Variants in BTBD8 observed in about 807,000 individuals in gnomAD.
BTBD8 encodes BTB domain containing 8, also known as BTB/POZ domain-containing protein 8.
A neutral mutation model predicts 162.9 loss-of-function variants in BTBD8; 110 were observed. The observed-to-expected ratio is 0.68, with a 90% CI of 0.58 to 0.79. The LOEUF (loss-of-function observed/expected upper bound fraction) is 0.79. Among genes scored for constraint, BTBD8 ranks in the 30% least tolerant of loss-of-function variants. The pLI is 0.00. For missense variants in BTBD8, 1,905 were observed against 2,085.4 expected, an observed-to-expected ratio of 0.91 and a Z score of 1.68; for synonymous variants, 667 against 716.1, an observed-to-expected ratio of 0.93 and a Z score of 1.10.
At chr1:92,183,804 A>AAAACTCTG (rs1650994780) in intron 17 of BTBD8, 60 bp from the exon 18 acceptor site, 1 of 1,163,876 alleles carries the variant, frequency 8.6e-7, no homozygotes, top group African/African-American at 1.6e-5. Context: ...AATATTCTAC[A>AAAACTCTG]AAACTCTGAG....
intron 2 of BTBD8, among the ~76,000 whole-genome samples, chr1:92,093,661 G>T (rs1044567069): frequency 1.3e-5 from 2 of 152,164 alleles, no homozygotes; most frequent in African/African-American, 4.8e-5. Context: ...AATTCTTATA[G>T]TGGTGTTGTG....
Position 92,161,989 on chromosome 1 carries a change from AC to A in BTBD8, c.1123-4964del, listed in dbSNP as rs574358830. On this transcript the variant is annotated intron_variant, in intron 9 of 17. Coordinates refer to ENST00000636805, the MANE Select transcript of BTBD8 (RefSeq NM_001376131.1). ...CTTTTTTTGTCTTCCTCACCCACCC[AC>A]CCCCTTCTTTCTTTTGTTTTCTAGT... Among the ~76,000 whole-genome samples the A allele has an allele frequency of 2.7e-5, 4 of 149,008 alleles. No homozygotes were observed. The South Asian group carries it at 8.7e-4, about 33-fold the overall frequency.
intron 16 of BTBD8, among the ~76,000 whole-genome samples, chr1:92,179,415 A>G (rs745320908): frequency 7.9e-5 from 12 of 152,272 alleles, no homozygotes; most frequent in Non-Finnish European, 1.5e-4. Context: ...ATAATAACCA[A>G]TTTTCAAAAT....
chr1:92,147,102 G>GTCT (rs1649942985), intron 7 of BTBD8, 78 bp from the exon 8 acceptor site: 1 of 1,090,260 alleles, frequency 9.2e-7, no homozygotes, highest in Non-Finnish European at 1.3e-6. Flanking sequence ...ATATAAATTG[G>GTCT]ATTATCTTTA....
chr1:92,119,269 A>C (rs1403242493), intron 4 of BTBD8, among the ~76,000 whole-genome samples: 1 of 151,010 alleles, frequency 6.6e-6, no homozygotes, highest in African/African-American at 2.4e-5. Context: ...ATAGCTGTAC[A>C]AATTTTTTTC....
intron 13 of BTBD8, 121 bp from the exon 14 acceptor site, chr1:92,176,708 C>T: frequency 1.9e-6 from 1 of 525,032 alleles, no homozygotes; most frequent in Non-Finnish European, 3.2e-6. Context: ...AAGCTTTGAC[C>T]TTAAATCATA....
In BTBD8 at chr1:92,139,472, G is replaced by T. The variant is rs900767019; in HGVS notation, c.833+42G>T. ...AATAATTTAAAATATAAAAGAGTTA[G>T]GTTCTGCTTTGTTGAGCTGTGTTGC... On this transcript the variant is annotated intron_variant, in intron 6 of 17. Coordinates refer to ENST00000636805, the MANE Select transcript of BTBD8 (RefSeq NM_001376131.1). 4.4e-6 allele frequency: 7 copies of T among 1,580,860 alleles called. No individual in the cohort carries two copies. The African/African-American group carries it at 5.5e-5, about 12-fold the overall frequency.
intron 5 of BTBD8, among the ~76,000 whole-genome samples, chr1:92,133,078 A>T (rs190889377): frequency 1.6e-3 from 241 of 152,328 alleles, no homozygotes; most frequent in African/African-American, 5.6e-3. Context: ...ACTTTAAAAA[A>T]TTACATCTTT....
In BTBD8 at chr1:92,098,039, T is replaced by C. The variant is rs558808143; in HGVS notation, c.348-4434T>C. ...AAGCTCAATGCCCAGGTTTTTTTAATTGGGAATTGGTCACGTAGGCACTCC... is the reference window on the plus strand; with the variant it reads ...AAGCTCAATGCCCAGGTTTTTTTAACTGGGAATTGGTCACGTAGGCACTCC... On this transcript the variant is annotated intron_variant, in intron 2 of 17. Coordinates refer to ENST00000636805, the MANE Select transcript of BTBD8 (RefSeq NM_001376131.1). Among the ~76,000 whole-genome samples, 183 of 152,312 alleles carry C rather than the reference T, an allele frequency of 1.2e-3. 1 individual carries two copies. The highest frequency in any genetic ancestry group is 4.1e-3 in the African/African-American group (169 of 41,562).
chr1:92,118,803 C>CTTTTTTTTTTTTTTTT (rs386367658), intron 4 of BTBD8, among the ~76,000 whole-genome samples: 39 of 95,268 alleles, frequency 4.1e-4, no homozygotes, highest in African/African-American at 1.1e-3. Context: ...TTCTTTCTTT[C>CTTTTTTTTTTTTTTTT]TTTTTTTTTT....
At chr1:92,086,720 A>T (rs1162099530) in intron 1 of BTBD8, among the ~76,000 whole-genome samples, 1 of 152,086 alleles carries the variant, frequency 6.6e-6, no homozygotes, top group African/African-American at 2.4e-5. Context: ...CTCCACCCTC[A>T]TGGGTGCGAG....
intron 9 of BTBD8, among the ~76,000 whole-genome samples, chr1:92,155,400 T>C (rs911806817): frequency 9.2e-5 from 14 of 152,160 alleles, no homozygotes; most frequent in African/African-American, 3.4e-4. Flanking sequence ...TGCATGTCTT[T>C]CTGTTTGTCT....
intron 4 of BTBD8, among the ~76,000 whole-genome samples, chr1:92,121,937 T>G (rs911848549): frequency 6.6e-6 from 1 of 151,664 alleles, no homozygotes; most frequent in Non-Finnish European, 1.5e-5. Flanking sequence ...TCCCAAGTAG[T>G]TGGGACTACA....
chr1:92,121,976 A>G (rs1281758272), intron 4 of BTBD8, among the ~76,000 whole-genome samples: 4 of 151,634 alleles, frequency 2.6e-5, no homozygotes, highest in Non-Finnish European at 5.9e-5. Flanking sequence ...TGGTTTGCCT[A>G]TTTTTAAATC....
chr1:92,099,264 G>A (rs1648526749), intron 2 of BTBD8, among the ~76,000 whole-genome samples: 1 of 152,078 alleles, frequency 6.6e-6, no homozygotes, highest in Non-Finnish European at 1.5e-5. Flanking sequence ...CCATTCTTAT[G>A]TCAGTACTAC....
At chr1:92,161,954 TTTC>T (rs912653406) in intron 9 of BTBD8, among the ~76,000 whole-genome samples, 5 of 152,302 alleles carry the variant, frequency 3.3e-5, no homozygotes, top group African/African-American at 1.2e-4. Flanking sequence ...GTTTTCTATG[TTTC>T]TTCTTCCTTT....
chr1:92,132,199 A>G (rs1649533158), intron 5 of BTBD8, among the ~76,000 whole-genome samples: 1 of 152,114 alleles, frequency 6.6e-6, no homozygotes, highest in Admixed American at 6.5e-5. Context: ...ATGGCATAGG[A>G]TTGGGATCTT....
chr1:92,163,500 T>C (rs1008726631), intron 9 of BTBD8, among the ~76,000 whole-genome samples: 2 of 150,694 alleles, frequency 1.3e-5, no homozygotes, highest in South Asian at 2.1e-4. Flanking sequence ...GAAAAAATAA[T>C]ATTGGTTGTA....
chr1:92,128,949 A>G (rs1649436617), intron 4 of BTBD8, among the ~76,000 whole-genome samples: 1 of 151,300 alleles, frequency 6.6e-6, no homozygotes, highest in Admixed American at 6.6e-5. Context: ...AAAAGGTTTT[A>G]GATTGTTACT....
Sources: gnomAD v4.1 joint callset for allele counts (sites outside exome capture counted in the v4.1 genomes callset) on GRCh38, gnomAD v4.1.1 for gene constraint, MANE v1.5 for transcripts, NCBI Gene and HGNC (gene_info 2026-07-23, HGNC 2026-07-21) for gene names.